Variants in DENND1B observed in about 807,000 individuals in gnomAD.
DENND1B encodes DENN domain containing 1B.
A neutral mutation model predicts 90.1 loss-of-function variants in DENND1B; 59 were observed. That is an observed-to-expected ratio of 0.65 (90% CI 0.53 to 0.81). The LOEUF is 0.81. Ranked by LOEUF, DENND1B falls within the 40% of genes least tolerant of loss-of-function variation. DENND1B has a pLI of 0.00. For synonymous variants in DENND1B, 337 were observed against 324.6 expected (o/e 1.04, Z -0.41); for missense variants, 862 against 912.6 (o/e 0.94, Z 0.71).
chr1:197,525,237 T>C (rs1669059825), intron 20 of DENND1B, among the ~76,000 whole-genome samples: 1 of 152,144 alleles, frequency 6.6e-6, no homozygotes, highest in Non-Finnish European at 1.5e-5. Context: ...ATTTTTAAAA[T>C]ACATTGTTTC....
chr1:197,654,048 A>G lies in DENND1B; in HGVS notation c.367-1733T>C, dbSNP rs553388951. On this transcript the variant is annotated intron_variant, in intron 6 of 22. Transcript: ENST00000620048. ...AATGATGTTAAGATATACTTCATAG[A>G]ATTAAGCAATCAAATATATACAGAA... 5.3e-5 allele frequency among the ~76,000 whole-genome samples: 8 copies of G among 152,328 alleles called. No individual in the cohort carries two copies. The East Asian group carries it at 1.5e-3, about 29-fold the overall frequency.
Position 197,772,891 on chromosome 1 carries a change from T to A in DENND1B, c.59A>T (p.Lys20Ile). The A allele has an allele frequency of 6.4e-7, 1 of 1,551,984 alleles. No homozygotes were observed. The highest frequency in any genetic ancestry group is 8.7e-7 in the Non-Finnish European group (1 of 1,147,012). Residue 20 changes from lysine to isoleucine, a missense_variant, in exon 2 of 23, where the codon AAA becomes ATA. By Grantham distance (102) the Lys-to-Ile change is moderately radical (BLOSUM62 -3). Coordinates refer to ENST00000620048, the MANE Select transcript of DENND1B (RefSeq NM_001195215.2). ...ACCTTCATTTTCAGAGGCATGACATTTCACTTTCAACACCAAGTCAAAGGT... is the reference window on the plus strand; with the variant it reads ...ACCTTCATTTTCAGAGGCATGACATATCACTTTCAACACCAAGTCAAAGGT... ...DRTFDLVLKVKCHASENEDPV... is the reference protein window; with the variant it reads ...DRTFDLVLKVICHASENEDPV...
intron 2 of DENND1B, among the ~76,000 whole-genome samples, chr1:197,759,268 C>T (rs1654708082): frequency 6.6e-6 from 1 of 150,652 alleles, no homozygotes; most frequent in South Asian, 2.1e-4. Context: ...CATACCTGGC[C>T]TTAAATACTT....
chr1:197,631,990 A>C lies in DENND1B; in HGVS notation c.672+10721T>G, dbSNP rs534456155. ...ATTCTCCCTTTTCTTACCTACTCTT[A>C]AGCTAATACCACAGGCAAAAGACTC... is the stretch of plus-strand genomic sequence containing the variant. On this transcript the variant is annotated intron_variant, in intron 10 of 22. Coordinates refer to ENST00000620048, the MANE Select transcript of DENND1B (RefSeq NM_001195215.2). Among the ~76,000 whole-genome samples the C allele has an allele frequency of 6.0e-4, 91 of 152,140 alleles. 1 individual carries two copies. In the South Asian group the frequency reaches 0.018, roughly 31 times the overall value.
rs79631805 is a variant in DENND1B, at chr1:197,769,331, G to T, written c.82+3537C>A. On this transcript the variant is annotated intron_variant, in intron 2 of 22. Coordinates refer to ENST00000620048, the MANE Select transcript of DENND1B (RefSeq NM_001195215.2). ...CAATGATAATTTCAGGAGTGGTCAG[G>T]TGCATGCCAACTTAGGCTACCAGGA... 9.1e-3 allele frequency among the ~76,000 whole-genome samples: 1,390 copies of T among 152,230 alleles called. 20 individuals carry two copies. The highest frequency in any genetic ancestry group is 0.031 in the African/African-American group (1,270 of 41,532).
intron 3 of DENND1B, among the ~76,000 whole-genome samples, chr1:197,686,643 T>A (rs1194554857): frequency 2.0e-5 from 3 of 152,166 alleles, no homozygotes. Flanking sequence ...ATGAAAGTAC[T>A]CTGCTCCTTA....
upstream of DENND1B, among the ~76,000 whole-genome samples, chr1:197,780,181 G>A (rs1286904157): frequency 1.3e-5 from 2 of 152,100 alleles, no homozygotes; most frequent in Non-Finnish European, 2.9e-5. Flanking sequence ...TACCTTTGGG[G>A]TGTATCAGCT....
chr1:197,594,938 T>C (rs1283221147), intron 14 of DENND1B, among the ~76,000 whole-genome samples: 3 of 152,098 alleles, frequency 2.0e-5, no homozygotes, highest in African/African-American at 7.2e-5. Flanking sequence ...CTTTAATTAG[T>C]TAAGGAGTAA....
At chr1:197,519,108 T>C (rs1011268452) in intron 20 of DENND1B, among the ~76,000 whole-genome samples, 1 of 152,000 alleles carries the variant, frequency 6.6e-6, no homozygotes, top group Admixed American at 6.6e-5. Context: ...GTGGATATTA[T>C]GGTTTTGTAT....
intron 2 of DENND1B, among the ~76,000 whole-genome samples, chr1:197,739,707 G>A (rs1663034669): frequency 6.6e-6 from 1 of 152,070 alleles, no homozygotes; most frequent in South Asian, 2.1e-4. Flanking sequence ...ATCCAACAAA[G>A]TCATTGTATC....
chr1:197,698,044 G>T (rs192415841), intron 3 of DENND1B, among the ~76,000 whole-genome samples: 4 of 152,212 alleles, frequency 2.6e-5, no homozygotes, highest in African/African-American at 7.2e-5. Flanking sequence ...TTCAGGATGT[G>T]AACTCAGCTC....
At chr1:197,672,013 A>AT (rs748101972) in intron 5 of DENND1B, 24 bp downstream of exon 5, 18 of 1,598,542 alleles carry the variant, frequency 1.1e-5, no homozygotes, top group South Asian at 2.3e-5. Flanking sequence ...TTTGCATCTA[A>AT]TTTTTTTTAC....
intron 2 of DENND1B, among the ~76,000 whole-genome samples, chr1:197,737,817 CT>C (rs1324942424): frequency 6.6e-6 from 1 of 152,144 alleles, no homozygotes; most frequent in African/African-American, 2.4e-5. Context: ...AAAGCTATGT[CT>C]TCCTGTTGAG....
In DENND1B at chr1:197,509,517, A is replaced by T. The variant is rs1667884213; in HGVS notation, c.*943T>A. 1 of 151,822 alleles carries T rather than the reference A, an allele frequency of 6.6e-6. No individual in the cohort carries two copies. The highest frequency in any genetic ancestry group is 2.1e-4 in the South Asian group (1 of 4,832). The allele number at this position is 151,822 out of a possible 1,614,324, so 9.4% of individuals were successfully genotyped here. ...GGGAACTCTCTGTACTATCTTTGCA[A>T]TTTTTCTGTAAATCTAAAACTTCTA... is the stretch of plus-strand genomic sequence containing the variant. On this transcript the variant is annotated 3_prime_UTR_variant, in exon 23 of 23. Transcript: ENST00000620048.
intron 15 of DENND1B, 35 bp downstream of exon 15, chr1:197,583,117 T>A: frequency 6.4e-7 from 1 of 1,568,022 alleles, no homozygotes; most frequent in Non-Finnish European, 8.8e-7. Context: ...GACAATGTTG[T>A]CTTACAAAAG....
chr1:197,649,726 G>C (rs1652906178), intron 7 of DENND1B, among the ~76,000 whole-genome samples: 1 of 152,150 alleles, frequency 6.6e-6, no homozygotes, highest in African/African-American at 2.4e-5. Context: ...ACTCAAGATT[G>C]ATCAAGGACT....
chr1:197,762,636 T>C (rs1197180916), intron 2 of DENND1B, among the ~76,000 whole-genome samples: 1 of 152,210 alleles, frequency 6.6e-6, no homozygotes, highest in Non-Finnish European at 1.5e-5. Context: ...ATATTGTATA[T>C]TGGATTTCTA....
At chr1:197,668,935 C>T (rs960175905) in intron 5 of DENND1B, among the ~76,000 whole-genome samples, 1 of 151,986 alleles carries the variant, frequency 6.6e-6, no homozygotes, top group African/African-American at 2.4e-5. Flanking sequence ...TTCAATTCTG[C>T]TAATCTTAAT....
intron 17 of DENND1B, 33 bp downstream of exon 17, chr1:197,546,700 G>C (rs1320702794): frequency 1.3e-6 from 2 of 1,525,468 alleles, no homozygotes; most frequent in African/African-American, 2.8e-5. Context: ...TTATATTAGA[G>C]TGAAAGAATA....
Sources: allele counts gnomAD v4.1 joint callset (sites outside exome capture counted in the v4.1 genomes callset), GRCh38; gene constraint gnomAD v4.1.1; transcripts MANE v1.5; gene names NCBI Gene and HGNC (gene_info 2026-07-23, HGNC 2026-07-21).